CCSER1: variants seen among roughly 807,000 people sequenced by gnomAD.
CCSER1 encodes coiled-coil serine rich protein 1, also known as serine-rich coiled-coil domain-containing protein 1.
CCSER1 carries 41 observed loss-of-function variants against 82.0 expected under a neutral mutation model. The ratio of observed to expected loss-of-function variants is 0.50; its 90% CI spans 0.39 to 0.65. The LOEUF (loss-of-function observed/expected upper bound fraction) is 0.65. Among genes scored for constraint, CCSER1 ranks in the 30% least tolerant of loss-of-function variants. The probability of loss-of-function intolerance (pLI) is 0.00; values close to 1 mark genes in which losing one functional copy is unlikely to be tolerated. For synonymous variants in CCSER1, 414 were observed against 383.9 expected (o/e 1.08, Z -0.92); for missense variants, 1,119 against 1,064.2 (o/e 1.05, Z -0.72).
rs377154624 is a variant in CCSER1, at chr4:91,299,371, C to T, written c.2217+213377C>T. ...AGAAATTATTGTTTGACTTCATTTA[C>T]TAAAGGCCCAACTATACCTTTTTGG... On this transcript the variant is annotated intron_variant, in intron 10 of 10. Transcript: ENST00000509176. 3.9e-5 allele frequency among the ~76,000 whole-genome samples: 6 copies of T among 151,980 alleles called. No homozygotes were observed. In the East Asian group the frequency reaches 9.7e-4, roughly 25 times the overall value.
chr4:90,734,157 G>A (rs1188766085), intron 7 of CCSER1, among the ~76,000 whole-genome samples: 3 of 150,924 alleles, frequency 2.0e-5, no homozygotes, highest in Middle Eastern at 3.4e-3. Flanking sequence ...ATGGAATCTC[G>A]CTTTGTCGCC....
intron 9 of CCSER1, among the ~76,000 whole-genome samples, chr4:91,079,311 A>T (rs534270573): frequency 6.6e-6 from 1 of 152,220 alleles, no homozygotes; most frequent in Non-Finnish European, 1.5e-5. Context: ...AGAATTTCAT[A>T]TTCAGCCAAA....
At chr4:90,339,323 C>A (rs751719186) in intron 3 of CCSER1, among the ~76,000 whole-genome samples, 1 of 152,116 alleles carries the variant, frequency 6.6e-6, no homozygotes, top group Non-Finnish European at 1.5e-5. Flanking sequence ...GTCTTGCCAT[C>A]GCCTCCCAGC....
chr4:91,302,640 G>T (rs1039608841), intron 10 of CCSER1, among the ~76,000 whole-genome samples: 1 of 151,822 alleles, frequency 6.6e-6, no homozygotes, highest in South Asian at 2.1e-4. Context: ...TCTCACCATG[G>T]CTTAAAAGGC....
intron 6 of CCSER1, among the ~76,000 whole-genome samples, chr4:90,696,940 A>G (rs1737090305): frequency 6.6e-6 from 1 of 152,186 alleles, no homozygotes; most frequent in Non-Finnish European, 1.5e-5. Context: ...TGGGAAAAAA[A>G]TGAATAAGAA....
chr4:90,506,531 G>A (rs1770709598), intron 5 of CCSER1, among the ~76,000 whole-genome samples: 1 of 152,094 alleles, frequency 6.6e-6, no homozygotes, highest in African/African-American at 2.4e-5. Flanking sequence ...GAGAGGCCAA[G>A]GCAGGTGGAT....
chr4:90,506,001 C>A (rs1770624619), intron 5 of CCSER1, among the ~76,000 whole-genome samples: 1 of 152,168 alleles, frequency 6.6e-6, no homozygotes, highest in African/African-American at 2.4e-5. Context: ...ACACTTACAA[C>A]TTTGTCTTGC....
chr4:91,534,815 A>ATTTAT (rs1761214648), intron 10 of CCSER1, among the ~76,000 whole-genome samples: 1 of 151,878 alleles, frequency 6.6e-6, no homozygotes, highest in South Asian at 2.1e-4. Flanking sequence ...GTAAAAGTTC[A>ATTTAT]AGAAAATGTG....
At position 90,977,196 on chromosome 4, in the gene CCSER1, A is replaced by G. The variant is rs547705446; in HGVS notation, c.2172+53749A>G. On this transcript the variant is annotated intron_variant, in intron 9 of 10. Coordinates refer to ENST00000509176, the MANE Select transcript of CCSER1 (RefSeq NM_001145065.2). ...AAACTAAAGCTTCATGCTAAGCAAG[A>G]CTTCGCAGAAAGACAGAGGGCACCA... Among the ~76,000 whole-genome samples the G allele has an allele frequency of 2.4e-4, 36 of 151,652 alleles. No individual in the cohort carries two copies. In the East Asian group the frequency reaches 5.7e-3, roughly 24 times the overall value.
At chr4:91,004,216 C>T (rs976427807) in intron 9 of CCSER1, among the ~76,000 whole-genome samples, 3 of 152,144 alleles carry the variant, frequency 2.0e-5, no homozygotes, top group Admixed American at 6.5e-5. Context: ...TGCAAATGAG[C>T]TGCAATCTAG....
chr4:90,658,236 A>C (rs1357786693), intron 6 of CCSER1, among the ~76,000 whole-genome samples: 1 of 152,170 alleles, frequency 6.6e-6, no homozygotes, highest in East Asian at 1.9e-4. Flanking sequence ...GATAATGTTT[A>C]ATTAAATAAT....
intron 9 of CCSER1, among the ~76,000 whole-genome samples, chr4:91,050,292 A>G (rs905300985): frequency 6.6e-6 from 1 of 151,972 alleles, no homozygotes; most frequent in Non-Finnish European, 1.5e-5. Flanking sequence ...TGAACCGGGC[A>G]TGGTGGCAGA....
intron 10 of CCSER1, among the ~76,000 whole-genome samples, chr4:91,155,867 C>T (rs959919356): frequency 2.6e-5 from 4 of 151,698 alleles, no homozygotes; most frequent in East Asian, 1.9e-4. Context: ...AGAACAAGAC[C>T]ATATTTGGTT....
At chr4:90,968,480 C>A (rs1236970622) in intron 9 of CCSER1, among the ~76,000 whole-genome samples, 1 of 152,038 alleles carries the variant, frequency 6.6e-6, no homozygotes, top group East Asian at 1.9e-4. Flanking sequence ...GGAGAAAGCA[C>A]AGAACCTAAG....
intron 3 of CCSER1, among the ~76,000 whole-genome samples, chr4:90,360,551 G>T (rs1578108801): frequency 8.0e-6 from 1 of 125,022 alleles, no homozygotes; most frequent in Non-Finnish European, 1.6e-5. Context: ...ACTCCGTCCA[G>T]CCTGGACGAC....
intron 10 of CCSER1, among the ~76,000 whole-genome samples, chr4:91,202,548 C>T (rs781330500): frequency 1.3e-5 from 2 of 151,782 alleles, no homozygotes; most frequent in African/African-American, 4.8e-5. Context: ...TATTGATTGC[C>T]GAAAGAGGCA....
At chr4:91,389,895 A>G (rs533427647) in intron 10 of CCSER1, among the ~76,000 whole-genome samples, 4 of 152,224 alleles carry the variant, frequency 2.6e-5, no homozygotes, top group African/African-American at 9.6e-5. Context: ...TGCTGTGTAT[A>G]GAAAAGCAGA....
chr4:91,033,841 C>T (rs62310985), intron 9 of CCSER1, among the ~76,000 whole-genome samples: 2,977 of 152,216 alleles, frequency 0.02, 56 homozygotes, highest in Non-Finnish European at 0.031. Flanking sequence ...TATTAAAAGC[C>T]TGATGTTTGC....
intron 10 of CCSER1, among the ~76,000 whole-genome samples, chr4:91,490,923 T>A (rs1486941332): frequency 5.4e-4 from 45 of 84,092 alleles, no homozygotes; most frequent in African/African-American, 2.1e-3. Context: ...TATATATATA[T>A]ATATAAAATA....
Sources: allele counts gnomAD v4.1 joint callset (sites outside exome capture counted in the v4.1 genomes callset), GRCh38; gene constraint gnomAD v4.1.1; transcripts MANE v1.5; gene names NCBI Gene and HGNC (gene_info 2026-07-23, HGNC 2026-07-21).